Variants in MCCC1 observed in about 807,000 individuals in gnomAD.
MCCC1 encodes the protein methylcrotonoyl-CoA carboxylase subunit alpha, mitochondrial.
Under a neutral mutation model 83.8 loss-of-function variants are expected in MCCC1, and 64 were observed. The ratio of observed to expected loss-of-function variants is 0.76; its 90% CI spans 0.62 to 0.94. The LOEUF is 0.94. Among genes scored for constraint, MCCC1 ranks in the 40% least tolerant of loss-of-function variants. The probability of loss-of-function intolerance (pLI) is 0.00; values close to 1 mark genes in which losing one functional copy is unlikely to be tolerated. For missense variants in MCCC1, 807 were observed against 904.7 expected (o/e 0.89, Z 1.39); for synonymous variants, 322 against 315.4 (o/e 1.02, Z -0.22).
intron 14 of MCCC1, among the ~76,000 whole-genome samples, chr3:183,029,583 T>A (rs74461518): frequency 0.022 from 3,315 of 152,320 alleles, 122 homozygotes; most frequent in African/African-American, 0.076. Flanking sequence ...TGGCCTCTAG[T>A]AGCAGAGAAT....
rs1026888133 is a variant in MCCC1, at chr3:183,071,220, C to G, written c.629G>C (p.Gly210Ala). 2 of 1,614,070 alleles carry G rather than the reference C, an allele frequency of 1.2e-6. No individual in the cohort carries two copies. The highest frequency in any genetic ancestry group is 4.5e-5 in the East Asian group (2 of 44,900). The change falls in exon 6 of 19, where the codon GGA becomes GCA. Residue 210 changes from glycine (G) to alanine (A), a missense_variant. Coordinates refer to ENST00000265594, the MANE Select transcript of MCCC1 (RefSeq NM_020166.5). ...CATGCACAATCTTACTTTTCCTCCT[C>G]CACCCCGGACGGCTTTAATCATGAC... ...YPVMIKAVRG[G>A]GGKGMRIVRS...
rs1713703509 is a variant in MCCC1, at chr3:183,037,347, T to G, written c.1465A>C (p.Ile489Leu). ...FEAGNVHTDF[I>L]PQHHKQLLLS... is the part of the protein sequence containing the mutation. ...AACAACTGTTTGTGGTGTTGAGGGA[T>G]GAAATCAGTGTGCACGTTCCCAGCT... The change falls in exon 13 of 19, where the codon ATC becomes CTC. Residue 489 changes from isoleucine (I) to leucine (L), a missense_variant. Ile to Leu is a conservative substitution (Grantham distance 5, BLOSUM62 2). Coordinates refer to ENST00000265594, the MANE Select transcript of MCCC1 (RefSeq NM_020166.5). 1 of 1,613,932 alleles carries G rather than the reference T, an allele frequency of 6.2e-7. No individual in the cohort carries two copies. The highest frequency in any genetic ancestry group is 8.5e-7 in the Non-Finnish European group (1 of 1,179,994).
Position 183,024,101 on chromosome 3 carries a change from T to C in MCCC1, c.1732-1547A>G, listed in dbSNP as rs192599361. 3.3e-5 allele frequency among the ~76,000 whole-genome samples: 5 copies of C among 152,118 alleles called. No individual in the cohort carries two copies. The East Asian group carries it at 9.7e-4, about 29-fold the overall frequency. ...CCCTGTCTTTACTGAAAACACACAA[T>C]TACCCGGGCATGGTGGTGCATGCCT... On this transcript the variant is annotated intron_variant, in intron 15 of 18. Coordinates refer to ENST00000265594, the MANE Select transcript of MCCC1 (RefSeq NM_020166.5).
At chr3:183,113,499 G>A (rs1455584281) in intron 1 of MCCC1, among the ~76,000 whole-genome samples, 2 of 151,470 alleles carry the variant, frequency 1.3e-5, no homozygotes, top group African/African-American at 4.9e-5. Flanking sequence ...CACCAACATG[G>A]CACATGTATA....
intron 4 of MCCC1, among the ~76,000 whole-genome samples, chr3:183,085,879 G>A (rs994176081): frequency 5.9e-5 from 9 of 152,006 alleles, no homozygotes; most frequent in African/African-American, 1.2e-4. Context: ...GCCGGGAAGC[G>A]GCCATTGGTT....
rs543215664 is a variant in MCCC1, at chr3:183,042,849, A to C, written c.1084-1099T>G. ...TATCATTCCATCCTTAGGATCTAGA[A>C]CCAGAAATACCATTTGACCCAGCAA... is the stretch of plus-strand genomic sequence containing the variant. On this transcript the variant is annotated intron_variant, in intron 10 of 18. Coordinates refer to ENST00000265594, the MANE Select transcript of MCCC1 (RefSeq NM_020166.5). 4.6e-5 allele frequency among the ~76,000 whole-genome samples: 7 copies of C among 152,332 alleles called. No homozygotes were observed. In the East Asian group the frequency reaches 1.2e-3, roughly 25 times the overall value.
At chr3:183,103,052 G>A (rs528746497), upstream of MCCC1, among the ~76,000 whole-genome samples, 1 of 152,126 alleles carries the variant, frequency 6.6e-6, no homozygotes, top group African/African-American at 2.4e-5. Flanking sequence ...CTCGCGGTGA[G>A]TGTTACAGCT....
chr3:183,111,863 T>C (rs1023883204), intron 1 of MCCC1, among the ~76,000 whole-genome samples: 6 of 152,262 alleles, frequency 3.9e-5, no homozygotes, highest in Non-Finnish European at 8.8e-5. Context: ...TATTTTTATC[T>C]TATAATTATC....
At chr3:183,082,646 T>C (rs552422794) in intron 4 of MCCC1, among the ~76,000 whole-genome samples, 11 of 152,292 alleles carry the variant, frequency 7.2e-5, no homozygotes, top group Middle Eastern at 3.4e-3. Context: ...CTACAACCTC[T>C]TTCCCAACCA....
chr3:183,095,428 G>A (rs967527986), intron 1 of MCCC1, among the ~76,000 whole-genome samples: 1 of 152,156 alleles, frequency 6.6e-6, no homozygotes, highest in Non-Finnish European at 1.5e-5. Context: ...TAAGACCAGA[G>A]AAATAAACGG....
chr3:183,075,486 T>C (rs1427529376), intron 4 of MCCC1, among the ~76,000 whole-genome samples: 1 of 152,160 alleles, frequency 6.6e-6, no homozygotes, highest in Non-Finnish European at 1.5e-5. Context: ...CTTTTTTTCA[T>C]GTTTGTTGGT....
At chr3:183,032,604 G>T (rs917666414) in intron 14 of MCCC1, among the ~76,000 whole-genome samples, 3 of 152,210 alleles carry the variant, frequency 2.0e-5, no homozygotes, top group Non-Finnish European at 4.4e-5. Flanking sequence ...GGCTGGCATG[G>T]TGGCTCACGC....
rs1363242904 is a variant in MCCC1, at chr3:183,071,064, C to T, written c.696G>A (p.Arg232=). ...QEFQEQLESA[R]REAKKSFNDD... Reference sequence around the variant, plus strand: ...CATTGAAAGACTTCTTAGCTTCTCTCCGTGCTGACTCTAACTGTTCTTGAA... The same window carrying T: ...CATTGAAAGACTTCTTAGCTTCTCTTCGTGCTGACTCTAACTGTTCTTGAA... The change falls in exon 7 of 19, where the codon CGG becomes CGA. Residue 232 remains arginine (R), a synonymous_variant. Transcript: ENST00000265594. 7 of 1,614,088 alleles carry T rather than the reference C, an allele frequency of 4.3e-6. No individual in the cohort carries two copies. In the South Asian group the frequency reaches 7.7e-5, roughly 18 times the overall value.
At chr3:183,101,738 C>T (rs1286022844), upstream of MCCC1, among the ~76,000 whole-genome samples, 3 of 152,210 alleles carry the variant, frequency 2.0e-5, no homozygotes, top group South Asian at 4.1e-4. Context: ...TTTGTTCTTT[C>T]GCTCTTTGCA....
At position 183,039,237 on chromosome 3, in the gene MCCC1, T is replaced by C. The variant is rs1713873642; in HGVS notation, c.1268-102A>G. ...ATGTACATTTCACGCTTAATCCTCA[T>C]AAACCCCTGCATGATAAATAACAAC... On this transcript the variant is annotated intron_variant, in intron 11 of 18. Transcript: ENST00000265594. The C allele has an allele frequency of 5.6e-6, 6 of 1,069,058 alleles. No homozygotes were observed. The South Asian group carries it at 7.9e-5, about 14-fold the overall frequency. 66.2% of individuals were successfully genotyped at this position (1,069,058 alleles called of 1,614,324 possible).
At chr3:183,045,565 T>C in intron 9 of MCCC1, 25 bp from the exon 10 acceptor site, 7 of 1,612,488 alleles carry the variant, frequency 4.3e-6, no homozygotes, top group Non-Finnish European at 5.9e-6. Flanking sequence ...ACAATGGTCA[T>C]ATTCAATAGT....
At chr3:183,062,654 C>T (rs906266938) in intron 7 of MCCC1, among the ~76,000 whole-genome samples, 2 of 152,152 alleles carry the variant, frequency 1.3e-5, no homozygotes, top group African/African-American at 4.8e-5. Flanking sequence ...TGTGCCCAGC[C>T]TTGTCTGAGG....
At chr3:183,068,122 A>G (rs575059068) in intron 7 of MCCC1, among the ~76,000 whole-genome samples, 11 of 152,306 alleles carry the variant, frequency 7.2e-5, no homozygotes, top group Non-Finnish European at 1.2e-4. Context: ...ACAAAAGGGA[A>G]AAGGGAAATG....
rs776374304 is a variant in MCCC1, at chr3:183,071,373, G to T, written c.492-16C>A. The stretch of plus-strand genomic sequence containing the variant: ...TTTGGATGTGCTTTAGAGTGGGAAA[G>T]AAAACAACATGCCCCAAATTCTACA... On this transcript the variant is annotated splice_polypyrimidine_tract_variant and intron_variant, in intron 5 of 18. Coordinates refer to ENST00000265594, the MANE Select transcript of MCCC1 (RefSeq NM_020166.5). 2.5e-6 allele frequency: 4 copies of T among 1,614,078 alleles called. No individual in the cohort carries two copies. The highest frequency in any genetic ancestry group is 3.4e-6 in the Non-Finnish European group (4 of 1,179,982).
Sources: gnomAD v4.1 joint callset for allele counts (sites outside exome capture counted in the v4.1 genomes callset) on GRCh38, gnomAD v4.1.1 for gene constraint, MANE v1.5 for transcripts, NCBI Gene and HGNC (gene_info 2026-07-23, HGNC 2026-07-21) for gene names.